The following VTI1A variants were observed in gnomAD, a reference collection of about 807,000 sequenced individuals.
VTI1A encodes the protein vesicle transport through interaction with t-SNAREs 1A.
A neutral mutation model predicts 34.9 loss-of-function variants in VTI1A; 22 were observed. The observed-to-expected ratio is 0.63, with a 90% CI of 0.45 to 0.90. The LOEUF (loss-of-function observed/expected upper bound fraction) is 0.90. Ranked by LOEUF, VTI1A falls within the 40% of genes least tolerant of loss-of-function variation. VTI1A has a pLI of 0.00. For synonymous variants in VTI1A, 87 were observed against 97.3 expected, an observed-to-expected ratio of 0.89 and a Z score of 0.62; for missense variants, 268 against 275.6, an observed-to-expected ratio of 0.97 and a Z score of 0.20.
intron 5 of VTI1A, among the ~76,000 whole-genome samples, chr10:112,550,814 CTG>C (rs1233891816): frequency 1.3e-5 from 2 of 152,110 alleles, no homozygotes; most frequent in African/African-American, 2.4e-5. Context: ...TTTTTGGAAA[CTG>C]TTCCTTTTGG....
intron 7 of VTI1A, among the ~76,000 whole-genome samples, chr10:112,748,719 G>C (rs978262384): frequency 7.0e-6 from 1 of 142,432 alleles, no homozygotes; most frequent in Admixed American, 7.4e-5. Context: ...TCCGCCTCCC[G>C]GGTTCACGCC....
chr10:112,599,172 C>A (rs1167393297), intron 5 of VTI1A, among the ~76,000 whole-genome samples: 1 of 152,136 alleles, frequency 6.6e-6, no homozygotes, highest in Non-Finnish European at 1.5e-5. Flanking sequence ...ATGTTTGAAA[C>A]CCTCAAAAGG....
At chr10:112,639,281 T>C (rs765339459) in intron 5 of VTI1A, among the ~76,000 whole-genome samples, 4 of 152,212 alleles carry the variant, frequency 2.6e-5, no homozygotes, top group Non-Finnish European at 5.9e-5. Context: ...AGAGTCGACA[T>C]GATTATAAAA....
At chr10:112,497,251 G>T (rs916486478) in intron 3 of VTI1A, among the ~76,000 whole-genome samples, 1 of 151,980 alleles carries the variant, frequency 6.6e-6, no homozygotes, top group South Asian at 2.1e-4. Context: ...CCAGGAGGTG[G>T]AGGTTGCAGT....
intron 7 of VTI1A, among the ~76,000 whole-genome samples, chr10:112,748,725 A>T (rs950448471): frequency 2.1e-5 from 3 of 141,984 alleles, no homozygotes; most frequent in Non-Finnish European, 3.0e-5. Flanking sequence ...TCCCGGGTTC[A>T]CGCCATTCTC....
chr10:112,555,175 C>G (rs1268904409), intron 5 of VTI1A, among the ~76,000 whole-genome samples: 1 of 152,028 alleles, frequency 6.6e-6, no homozygotes, highest in Non-Finnish European at 1.5e-5. Context: ...AGAATTTTCT[C>G]TATATTTAAA....
intron 7 of VTI1A, among the ~76,000 whole-genome samples, chr10:112,788,567 G>A (rs1035366086): frequency 2.0e-5 from 3 of 152,092 alleles, no homozygotes; most frequent in African/African-American, 7.2e-5. Context: ...ATAAAGTTGG[G>A]TCTTTTATAT....
rs869030543 is a variant in VTI1A, at chr10:112,811,683, CAAAAA to C, written c.561-3582_561-3578del. Among the ~76,000 whole-genome samples the C allele has an allele frequency of 2.0e-3, 24 of 11,842 alleles. 1 individual carries two copies. Among genetic ancestry groups the C allele is most frequent in the African/African-American group, 5.9e-3 (17 of 2,880 alleles). The allele number at this position is 11,842 out of a possible 152,430, so 7.8% of individuals were successfully genotyped here. A position where few individuals can be genotyped will look rare whatever the true frequency, so the allele number is the denominator to read the frequency against. ...TGGGCGACAGAGCGAGACTCCGTCT[CAAAAA>C]AAAAAAAAAAAAAAAAAAAAAAAAG... On this transcript the variant is annotated intron_variant, in intron 7 of 7. Transcript: ENST00000393077.
chr10:112,559,894 G>C (rs1851665922), intron 5 of VTI1A, among the ~76,000 whole-genome samples: 1 of 152,174 alleles, frequency 6.6e-6, no homozygotes, highest in Non-Finnish European at 1.5e-5. Flanking sequence ...TACTGAAATG[G>C]AAAAGGTATT....
At chr10:112,468,538 T>A (rs1305134944) in intron 3 of VTI1A, among the ~76,000 whole-genome samples, 2 of 152,130 alleles carry the variant, frequency 1.3e-5, no homozygotes, top group African/African-American at 4.8e-5. Flanking sequence ...AGGGGAGCAT[T>A]TATGCCCATG....
chr10:112,668,278 C>G lies in VTI1A; in HGVS notation c.488C>G (p.Ala163Gly), dbSNP rs1172249340. 1 of 1,612,234 alleles carries G rather than the reference C, an allele frequency of 6.2e-7. No individual in the cohort carries two copies. Among genetic ancestry groups the G allele is most frequent in the Admixed American group, 1.7e-5 (1 of 59,902 alleles). The change falls in exon 6 of 8, where the codon GCA becomes GGA. Residue 163 changes from alanine to glycine, a missense_variant. Ala to Gly is a moderately conservative substitution (Grantham distance 60). Coordinates refer to ENST00000393077, the MANE Select transcript of VTI1A (RefSeq NM_145206.4). ...CATGACAGAGAAAAGATACAGCGAG[C>G]ACGTGAAAGAGTAAGTACAATTGAT... ...LSHDREKIQR[A>G]RERLRETDAN...
intron 7 of VTI1A, among the ~76,000 whole-genome samples, chr10:112,783,000 A>AAC (rs1017897863): frequency 2.6e-5 from 4 of 152,166 alleles, no homozygotes; most frequent in South Asian, 2.1e-4. Flanking sequence ...ATGTTCAAAT[A>AAC]ACACACACAC....
chr10:112,448,052 TAA>T (rs531031728), intron 1 of VTI1A, among the ~76,000 whole-genome samples: 32 of 151,944 alleles, frequency 2.1e-4, no homozygotes, highest in Non-Finnish European at 5.9e-5. Flanking sequence ...ATAAATAAAA[TAA>T]AAGTTGTGCC....
intron 1 of VTI1A, among the ~76,000 whole-genome samples, chr10:112,454,898 A>T (rs1430256482): frequency 6.6e-6 from 1 of 152,022 alleles, no homozygotes; most frequent in Admixed American, 6.5e-5. Flanking sequence ...TAATGGCTTG[A>T]GAAAGGGATA....
rs184295573 is a variant in VTI1A at position 112,694,561 on chromosome 10, G to C, written c.560+25563G>C. Among the ~76,000 whole-genome samples the C allele has an allele frequency of 4.3e-3, 651 of 152,120 alleles. 1 individual carries two copies. Among genetic ancestry groups the C allele is most frequent in the African/African-American group, 0.014 (601 of 41,492 alleles). On this transcript the variant is annotated intron_variant, in intron 7 of 7. Coordinates refer to ENST00000393077, the MANE Select transcript of VTI1A (RefSeq NM_145206.4). ...TCTGGAAGCATGCCTCTGAATGGCA[G>C]AGTTAGTCTCTTTATTTGGGGTGAT...
chr10:112,698,770 A>G (rs1848885477), intron 7 of VTI1A, among the ~76,000 whole-genome samples: 2 of 152,318 alleles, frequency 1.3e-5, no homozygotes, highest in African/African-American at 4.8e-5. Context: ...TTGTGCACTC[A>G]TTGTTGAACA....
chr10:112,589,735 A>G (rs1337661394), intron 5 of VTI1A, among the ~76,000 whole-genome samples: 1 of 152,186 alleles, frequency 6.6e-6, no homozygotes, highest in African/African-American at 2.4e-5. Context: ...AAGAGACCAC[A>G]GAGAGCTTAG....
At chr10:112,506,446 C>T (rs1376404277) in intron 3 of VTI1A, among the ~76,000 whole-genome samples, 1 of 152,026 alleles carries the variant, frequency 6.6e-6, no homozygotes, top group Non-Finnish European at 1.5e-5. Flanking sequence ...GGCTACTATG[C>T]CATTTTGTGT....
chr10:112,462,831 A>G (rs995576679), intron 2 of VTI1A, among the ~76,000 whole-genome samples: 4 of 152,240 alleles, frequency 2.6e-5, no homozygotes, highest in African/African-American at 9.6e-5. Flanking sequence ...GGTAAACTAC[A>G]TGGCAGCATT....
Sources: gnomAD v4.1 joint callset for allele counts (sites outside exome capture counted in the v4.1 genomes callset) on GRCh38, gnomAD v4.1.1 for gene constraint, MANE v1.5 for transcripts, NCBI Gene and HGNC (gene_info 2026-07-23, HGNC 2026-07-21) for gene names.